Variants in CAMK4 observed in about 807,000 individuals in gnomAD.
CAMK4 encodes the protein calcium/calmodulin dependent protein kinase IV, also known as calcium/calmodulin-dependent protein kinase type IV.
CAMK4 carries 22 observed loss-of-function variants against 44.9 expected under a neutral mutation model. That is an observed-to-expected ratio of 0.49 (90% CI 0.35 to 0.70). CAMK4 has a LOEUF of 0.70. CAMK4 is among the 30% of genes least tolerant of loss of function. The pLI is 0.01. For missense variants in CAMK4, 498 were observed against 586.8 expected (o/e 0.85, Z 1.56); for synonymous variants, 218 against 215.4 (o/e 1.01, Z -0.11).
At chr5:111,276,765 T>A (rs1750776743) in intron 1 of CAMK4, among the ~76,000 whole-genome samples, 1 of 152,158 alleles carries the variant, frequency 6.6e-6, no homozygotes, top group African/African-American at 2.4e-5. Flanking sequence ...CATCTCTTGC[T>A]TAAAGAGTTA....
chr5:111,493,462 G>A lies in CAMK4; in HGVS notation c.*8996G>A, dbSNP rs760398032. On this transcript the variant is annotated 3_prime_UTR_variant, in exon 11 of 11. Coordinates refer to ENST00000282356, the MANE Select transcript of CAMK4 (RefSeq NM_001744.6). This position sits in a 1 kb window ranked among gnomAD's most constrained non-coding sequence, Gnocchi z 4.1. ...CCTAAAATGTTGCCAGTGGAGGACCGAATCAAGGTTATTGCTGACCTCATT... is the reference window on the plus strand; with the variant it reads ...CCTAAAATGTTGCCAGTGGAGGACCAAATCAAGGTTATTGCTGACCTCATT... The A allele has an allele frequency of 6.6e-6, 1 of 152,134 alleles. No individual in the cohort carries two copies. The highest frequency in any genetic ancestry group is 1.5e-5 in the Non-Finnish European group (1 of 68,028). 9.4% of individuals were successfully genotyped at this position (152,134 alleles called of 1,614,324 possible).
intron 1 of CAMK4, among the ~76,000 whole-genome samples, chr5:111,325,805 C>T (rs1234229168): frequency 1.3e-5 from 2 of 151,642 alleles, no homozygotes; most frequent in Non-Finnish European, 2.9e-5. Flanking sequence ...GATTGCAAAA[C>T]TTTTCTACCA....
At chr5:111,283,647 G>C (rs1447423258) in intron 1 of CAMK4, among the ~76,000 whole-genome samples, 1 of 152,172 alleles carries the variant, frequency 6.6e-6, no homozygotes. Context: ...ACTCTTAAAT[G>C]GTTTGTTGCA....
At chr5:111,251,493 TG>T (rs768081321) in intron 1 of CAMK4, among the ~76,000 whole-genome samples, 12 of 152,166 alleles carry the variant, frequency 7.9e-5, no homozygotes, top group Non-Finnish European at 1.8e-4. Flanking sequence ...ACATGTCCAG[TG>T]TGTTTACCAT....
At chr5:111,262,505 A>T (rs143319982) in intron 1 of CAMK4, among the ~76,000 whole-genome samples, 1 of 152,236 alleles carries the variant, frequency 6.6e-6, no homozygotes, top group Non-Finnish European at 1.5e-5. Context: ...TTTATAATGG[A>T]AAGTTTTCTA....
At chr5:111,244,940 C>A (rs1749165658) in intron 1 of CAMK4, among the ~76,000 whole-genome samples, 1 of 152,052 alleles carries the variant, frequency 6.6e-6, no homozygotes, top group Non-Finnish European at 1.5e-5. Flanking sequence ...AACTTTCTGA[C>A]TCTTTCTAAC....
chr5:111,493,485 A>G lies in CAMK4; in HGVS notation c.*9019A>G, dbSNP rs1185189216. 1 of 152,094 alleles carries G rather than the reference A, an allele frequency of 6.6e-6. No homozygotes were observed. Among genetic ancestry groups the G allele is most frequent in the African/African-American group, 2.4e-5 (1 of 41,416 alleles). 9.4% of individuals were successfully genotyped at this position (152,094 alleles called of 1,614,324 possible). On this transcript the variant is annotated 3_prime_UTR_variant, in exon 11 of 11. Coordinates refer to ENST00000282356, the MANE Select transcript of CAMK4 (RefSeq NM_001744.6). This position sits in a 1 kb window ranked among gnomAD's most constrained non-coding sequence, Gnocchi z 4.1. The stretch of plus-strand genomic sequence containing the variant: ...CCGAATCAAGGTTATTGCTGACCTC[A>G]TTTTTTCAACCTTTTCAGTTATTTG...
chr5:111,471,641 T>C lies in CAMK4; in HGVS notation c.626-1670T>C, dbSNP rs139435394. On this transcript the variant is annotated intron_variant, in intron 7 of 10. Transcript: ENST00000282356. The stretch of plus-strand genomic sequence containing the variant: ...GACTAGATCCTGTTTGGACATGTTA[T>C]GACAAGTTAGTACAAGTTTATTTTG... Among the ~76,000 whole-genome samples the C allele has an allele frequency of 5.0e-3, 759 of 152,372 alleles. 6 individuals carry two copies. The highest frequency in any genetic ancestry group is 0.02 in the Middle Eastern group (6 of 294).
chr5:111,473,424 C>A, intron 8 of CAMK4, 38 bp downstream of exon 8: 2 of 1,309,774 alleles, frequency 1.5e-6, no homozygotes, highest in Non-Finnish European at 2.2e-6. Context: ...AAACTATTTA[C>A]CTTGCTGTGA....
chr5:111,227,298 G>C (rs1163843416), intron 1 of CAMK4, among the ~76,000 whole-genome samples: 1 of 152,176 alleles, frequency 6.6e-6, no homozygotes, highest in Non-Finnish European at 1.5e-5. Context: ...AGATCAAGTT[G>C]AACTCAGGTC....
At chr5:111,256,970 C>A (rs1443504875) in intron 1 of CAMK4, among the ~76,000 whole-genome samples, 1 of 152,110 alleles carries the variant, frequency 6.6e-6, no homozygotes, top group Non-Finnish European at 1.5e-5. Context: ...GAAACTGGAT[C>A]TTTTCTTTAC....
intron 7 of CAMK4, among the ~76,000 whole-genome samples, chr5:111,457,977 T>C (rs922700796): frequency 6.6e-6 from 1 of 152,248 alleles, no homozygotes; most frequent in Non-Finnish European, 1.5e-5. Context: ...ACTTTCTACT[T>C]GACCGGCTCG....
At chr5:111,428,113 G>A (rs948042831) in intron 5 of CAMK4, among the ~76,000 whole-genome samples, 2 of 152,228 alleles carry the variant, frequency 1.3e-5, no homozygotes, top group African/African-American at 2.4e-5. Context: ...GAATTCTCCC[G>A]TATTTTGTCC....
At chr5:111,463,760 C>T (rs1180618050) in intron 7 of CAMK4, among the ~76,000 whole-genome samples, 2 of 152,186 alleles carry the variant, frequency 1.3e-5, no homozygotes, top group Admixed American at 1.3e-4. Context: ...CTGCAGTTTG[C>T]CTTTCGGGAA....
chr5:111,246,281 G>T (rs949883974), intron 1 of CAMK4, among the ~76,000 whole-genome samples: 15 of 152,272 alleles, frequency 9.9e-5, no homozygotes, highest in African/African-American at 3.6e-4. Context: ...TGCCCAGTCT[G>T]TCTACCCCCA....
At chr5:111,240,202 T>C (rs1191782008) in intron 1 of CAMK4, among the ~76,000 whole-genome samples, 1 of 152,142 alleles carries the variant, frequency 6.6e-6, no homozygotes, top group Non-Finnish European at 1.5e-5. Flanking sequence ...TAATTTTTCA[T>C]TCTAAATGTT....
intron 1 of CAMK4, among the ~76,000 whole-genome samples, chr5:111,234,739 G>A (rs1279255027): frequency 1.3e-5 from 2 of 152,086 alleles, no homozygotes; most frequent in South Asian, 2.1e-4. Flanking sequence ...ACCAGGTACC[G>A]AAATATTTCA....
intron 1 of CAMK4, among the ~76,000 whole-genome samples, chr5:111,302,006 G>A (rs1747740450): frequency 6.6e-6 from 1 of 152,182 alleles, no homozygotes; most frequent in Non-Finnish European, 1.5e-5. Context: ...TTAGAATTCG[G>A]TGAGGATGTT....
At chr5:111,478,077 T>C (rs1755308618) in intron 8 of CAMK4, among the ~76,000 whole-genome samples, 1 of 151,530 alleles carries the variant, frequency 6.6e-6, no homozygotes, top group Admixed American at 6.6e-5. Flanking sequence ...ATTATTATTA[T>C]TGTTCTTCTG....
Sources: allele counts gnomAD v4.1 joint callset (sites outside exome capture counted in the v4.1 genomes callset), GRCh38; gene constraint gnomAD v4.1.1; non-coding constraint Gnocchi (gnomAD v3.1); transcripts MANE v1.5; gene names NCBI Gene and HGNC (gene_info 2026-07-23, HGNC 2026-07-21).